CHST1: variants seen among roughly 807,000 people sequenced by gnomAD.
CHST1 encodes Keratan sulfotransferase.
CHST1 carries 10 observed loss-of-function variants against 22.5 expected under a neutral mutation model. The observed-to-expected ratio is 0.44, with a 90% CI of 0.27 to 0.75. The LOEUF is 0.75. CHST1 is among the 30% of genes least tolerant of loss of function. CHST1 has a pLI of 0.15. For synonymous variants in CHST1, 267 were observed against 264.5 expected (o/e 1.01, Z -0.09); for missense variants, 439 against 576.1 (o/e 0.76, Z 2.44).
chr11:45,650,912 G>A lies in CHST1; in HGVS notation c.12C>T (p.Ser4=), dbSNP rs745903357. 6.5e-7 allele frequency: 1 copy of A among 1,535,562 alleles called. No individual in the cohort carries two copies. The highest frequency in any genetic ancestry group is 2.3e-5 in the East Asian group (1 of 44,166). Residue 4 remains serine, a synonymous_variant, in exon 4 of 4, where the codon TCC becomes TCT. Transcript: ENST00000308064. ...GGGCAAGGAGGAGGACGGCCTTCCA[G>A]GAACATTGCATGGCTGGGCACCTTC... is the stretch of plus-strand genomic sequence containing the variant. MQC[S]WKAVLLLALA...
At chr11:45,655,741 T>C (rs944483380) in intron 1 of CHST1, among the ~76,000 whole-genome samples, 2 of 152,244 alleles carry the variant, frequency 1.3e-5, no homozygotes, top group African/African-American at 4.8e-5. Context: ...CAGGCAGGAC[T>C]GGCCCACATG....
chr11:45,654,764 C>T (rs1207828106), intron 1 of CHST1, among the ~76,000 whole-genome samples: 2 of 152,190 alleles, frequency 1.3e-5, no homozygotes, highest in African/African-American at 2.4e-5. Flanking sequence ...AGAAAGCAGG[C>T]AAGTTGGTGA....
rs746469231 is a variant in CHST1 at position 45,650,169 on chromosome 11, C to A, written c.755G>T (p.Arg252Leu). 6.2e-7 allele frequency: 1 copy of A among 1,613,196 alleles called. No homozygotes were observed. Among genetic ancestry groups the A allele is most frequent in the South Asian group, 1.1e-5 (1 of 91,090 alleles). ...SRSETFRDTY[R>L]LWRLWYGTGR... ...GGTGCCGTACCAGAGCCGCCAGAGC[C>A]GGTACGTGTCGCGGAAGGTCTCGCT... The change falls in exon 4 of 4, where the codon CGG (arginine) becomes CTG (leucine). Residue 252 changes from arginine (R) to leucine (L), a missense_variant. Arg to Leu is a moderately radical substitution (Grantham distance 102, BLOSUM62 -2). Transcript: ENST00000308064.
rs940113079 is a variant in CHST1 at position 45,648,072 on chromosome 11, G to A, written c.*1616C>T. On this transcript the variant is annotated 3_prime_UTR_variant, in exon 4 of 4. Transcript: ENST00000308064. ...AGCAACCTGCTAGATTGCCACGAAG[G>A]GAAGGGGAGGAAGCACAGCAGATTC... Among the ~76,000 whole-genome samples the A allele has an allele frequency of 6.6e-6, 1 of 152,188 alleles. No homozygotes were observed. The highest frequency in any genetic ancestry group is 1.5e-5 in the Non-Finnish European group (1 of 68,034).
At chr11:45,663,600 C>T (rs1852161881) in intron 1 of CHST1, among the ~76,000 whole-genome samples, 1 of 152,098 alleles carries the variant, frequency 6.6e-6, no homozygotes, top group South Asian at 2.1e-4. Context: ...TGGCACCTGG[C>T]CATGATTTTG....
intron 1 of CHST1, among the ~76,000 whole-genome samples, chr11:45,664,523 G>C (rs1403273567): frequency 1.3e-5 from 2 of 152,244 alleles, no homozygotes; most frequent in African/African-American, 4.8e-5. Flanking sequence ...ATCCCAGCTA[G>C]GGTTACTCTG....
At chr11:45,651,072 T>A in intron 3 of CHST1, 107 bp from the exon 4 acceptor site, 1 of 768,424 alleles carries the variant, frequency 1.3e-6, no homozygotes, top group Non-Finnish European at 2.0e-6. Flanking sequence ...CCGGCTCCTG[T>A]CCAGTGCTCA....
chr11:45,654,466 G>A (rs904267449), intron 1 of CHST1, among the ~76,000 whole-genome samples: 8 of 152,230 alleles, frequency 5.3e-5, no homozygotes, highest in East Asian at 1.9e-4. Context: ...AAATGTCCCC[G>A]CTCTCCCAGC....
chr11:45,662,206 C>G lies in CHST1; in HGVS notation c.-227+2972G>C, dbSNP rs1852141777. On this transcript the variant is annotated intron_variant, in intron 1 of 3. Coordinates refer to ENST00000308064, the MANE Select transcript of CHST1 (RefSeq NM_003654.6). ...CCTGCCCCACCCCAACCCCTTTACT[C>G]TGTCACAGAGGGCCACCATCTCTGC... 2.0e-5 allele frequency among the ~76,000 whole-genome samples: 3 copies of G among 152,316 alleles called. No homozygotes were observed. The South Asian group carries it at 6.2e-4, about 32-fold the overall frequency.
At chr11:45,653,515 C>T (rs926798087) in intron 1 of CHST1, among the ~76,000 whole-genome samples, 4 of 132,968 alleles carry the variant, frequency 3.0e-5, no homozygotes, top group Non-Finnish European at 5.3e-5. Context: ...AGAAAGGCCC[C>T]TCTACTTTAA....
chr11:45,660,666 CA>C (rs1282918419), intron 1 of CHST1, among the ~76,000 whole-genome samples: 1 of 152,214 alleles, frequency 6.6e-6, no homozygotes, highest in East Asian at 1.9e-4. Context: ...ATGTCTGCAG[CA>C]GGCTCGTCTG....
intron 1 of CHST1, among the ~76,000 whole-genome samples, chr11:45,659,474 C>T (rs995259327): frequency 3.9e-5 from 6 of 152,158 alleles, no homozygotes; most frequent in Non-Finnish European, 7.4e-5. Context: ...GGCCATCCCC[C>T]AGGGTCAGGT....
chr11:45,661,073 C>G (rs917050532), intron 1 of CHST1, among the ~76,000 whole-genome samples: 2 of 152,194 alleles, frequency 1.3e-5, no homozygotes, highest in African/African-American at 4.8e-5. Flanking sequence ...AATTACAAGA[C>G]GGGTAGATGA....
intron 1 of CHST1, among the ~76,000 whole-genome samples, chr11:45,658,634 C>T (rs1385039487): frequency 2.6e-5 from 4 of 152,146 alleles, no homozygotes; most frequent in Non-Finnish European, 4.4e-5. Flanking sequence ...GACTGACCTC[C>T]TGGCCACAAC....
rs1851944714 is a variant in CHST1 at position 45,648,454 on chromosome 11, G to C, written c.*1234C>G. ...CCCAGCACTTTGGGAGGCTGAGGCA[G>C]GAGGAATGCCCAGAGCTCAGGAGTT... On this transcript the variant is annotated 3_prime_UTR_variant, in exon 4 of 4. Transcript: ENST00000308064. Among the ~76,000 whole-genome samples the C allele has an allele frequency of 6.6e-6, 1 of 151,878 alleles. No homozygotes were observed. Among genetic ancestry groups the C allele is most frequent in the Non-Finnish European group, 1.5e-5 (1 of 67,948 alleles).
chr11:45,657,044 T>C (rs1169420503), intron 1 of CHST1, among the ~76,000 whole-genome samples: 2 of 152,088 alleles, frequency 1.3e-5, no homozygotes, highest in African/African-American at 2.4e-5. Flanking sequence ...CTGAACATCG[T>C]CTTTCCGGAC....
In CHST1 at chr11:45,657,609, G is replaced by A. The variant is rs1467462079; in HGVS notation, c.-226-5003C>T. Among the ~76,000 whole-genome samples, 7 of 152,194 alleles carry A rather than the reference G, an allele frequency of 4.6e-5. No homozygotes were observed. The South Asian group carries it at 1.4e-3, about 31-fold the overall frequency. On this transcript the variant is annotated intron_variant, in intron 1 of 3. Coordinates refer to ENST00000308064, the MANE Select transcript of CHST1 (RefSeq NM_003654.6). The stretch of plus-strand genomic sequence containing the variant: ...TTGTACCTAAGAAATCCAAAGACGA[G>A]TTTCATGGGACAGTGTCCTAGAGCA...
rs1014489253 is a variant in CHST1, at chr11:45,649,633, C to T, written c.*55G>A. On this transcript the variant is annotated 3_prime_UTR_variant, in exon 4 of 4. Transcript: ENST00000308064. ...TAATAAGGCAACAGTTAAAAACGGT[C>T]CATTTTATCAAAACCGACACCTTGC... The T allele has an allele frequency of 6.7e-6, 10 of 1,494,404 alleles. No homozygotes were observed. The Admixed American group carries it at 9.0e-5, about 13-fold the overall frequency. 92.6% of individuals were successfully genotyped at this position (1,494,404 alleles called of 1,614,324 possible).
At position 45,648,370 on chromosome 11, in the gene CHST1, G is replaced by A. The variant is rs536924639; in HGVS notation, c.*1318C>T. 2.2e-4 allele frequency among the ~76,000 whole-genome samples: 33 copies of A among 152,014 alleles called. No homozygotes were observed. Among genetic ancestry groups the A allele is most frequent in the Non-Finnish European group, 3.7e-4 (25 of 67,962 alleles). On this transcript the variant is annotated 3_prime_UTR_variant, in exon 4 of 4. Transcript: ENST00000308064. ...CATTATCCCTGGCTATAAGTTACCCGGTCTCAACTGACTGAAGGAAAAAAA... is the reference window on the plus strand; with the variant it reads ...CATTATCCCTGGCTATAAGTTACCCAGTCTCAACTGACTGAAGGAAAAAAA...
Sources: allele counts gnomAD v4.1 joint callset (sites outside exome capture counted in the v4.1 genomes callset), GRCh38; gene constraint gnomAD v4.1.1; transcripts MANE v1.5; gene names NCBI Gene and HGNC (gene_info 2026-07-23, HGNC 2026-07-21).